GALNT13: variants seen among roughly 807,000 people sequenced by gnomAD.
The protein encoded by GALNT13 is UDP-GalNAc:polypeptide N-acetylgalactosaminyltransferase 13.
A neutral mutation model predicts 64.2 loss-of-function variants in GALNT13; 28 were observed. The observed-to-expected ratio is 0.44, with a 90% CI of 0.32 to 0.60. The LOEUF is 0.60. GALNT13 is among the 20% of genes least tolerant of loss of function. The pLI is 0.05. For synonymous variants in GALNT13, 214 were observed against 224.6 expected (o/e 0.95, Z 0.42); for missense variants, 577 against 669.8 (o/e 0.86, Z 1.53).
intron 2 of GALNT13, among the ~76,000 whole-genome samples, chr2:153,916,784 G>A (rs1689379001): frequency 1.3e-5 from 2 of 152,288 alleles, no homozygotes; most frequent in Middle Eastern, 3.4e-3. Flanking sequence ...CAGATTGATA[G>A]AGTACAAAGG....
chr2:153,232,144 T>A, the GALNT13 span, among the ~76,000 whole-genome samples: 3 of 152,224 alleles, frequency 2.0e-5, no homozygotes, highest in Non-Finnish European at 4.4e-5. Flanking sequence ...CACAAATAAG[T>A]ACTTTCATGT....
chr2:153,512,300 G>A, the GALNT13 span, among the ~76,000 whole-genome samples: 1 of 152,092 alleles, frequency 6.6e-6, no homozygotes, highest in East Asian at 1.9e-4. Context: ...AGAGAAGAGA[G>A]GGTCAATTGT....
chr2:153,818,709 C>A, the GALNT13 span, among the ~76,000 whole-genome samples: 2 of 152,178 alleles, frequency 1.3e-5, no homozygotes, highest in African/African-American at 4.8e-5. Context: ...GTGTCACATG[C>A]CTGGCAGCCA....
chr2:154,236,952 A>G (rs1164143378), intron 4 of GALNT13, among the ~76,000 whole-genome samples: 1 of 152,030 alleles, frequency 6.6e-6, no homozygotes, highest in Non-Finnish European at 1.5e-5. Context: ...ACATTTTAAT[A>G]TGCTTTATTT....
intron 9 of GALNT13, among the ~76,000 whole-genome samples, chr2:154,312,430 T>C (rs769160356): frequency 3.3e-5 from 5 of 152,228 alleles, no homozygotes; most frequent in Non-Finnish European, 7.3e-5. Flanking sequence ...TTTATTCGTA[T>C]GCTTTGTTCA....
rs527542068 is a variant in GALNT13, at chr2:154,336,566, A to G, written c.1156+34977A>G. On this transcript the variant is annotated intron_variant, in intron 9 of 12. Coordinates refer to ENST00000392825, the MANE Select transcript of GALNT13 (RefSeq NM_052917.4). ...TTATTTAAAGTATGGTTATATTTAA[A>G]TAATCCTTTTATAATTTAATTTTGA... 5.3e-5 allele frequency among the ~76,000 whole-genome samples: 8 copies of G among 152,254 alleles called. No individual in the cohort carries two copies. In the East Asian group the frequency reaches 1.2e-3, roughly 22 times the overall value.
chr2:154,299,639 A>G (rs911780404), intron 8 of GALNT13, among the ~76,000 whole-genome samples: 38 of 137,876 alleles, frequency 2.8e-4, no homozygotes, highest in African/African-American at 2.7e-5. Context: ...TTTTTTTTCT[A>G]TTTTTAGTAG....
chr2:153,923,557 A>G lies in GALNT13; in HGVS notation c.-104-20837A>G, dbSNP rs186044535. Among the ~76,000 whole-genome samples the G allele has an allele frequency of 5.2e-3, 783 of 151,512 alleles. 5 individuals carry two copies. The highest frequency in any genetic ancestry group is 8.9e-3 in the Non-Finnish European group (601 of 67,830). On this transcript the variant is annotated intron_variant, in intron 2 of 12. Transcript: ENST00000392825. ...ATGGTTGTTTTTATTTTTTTTTATT[A>G]TACTTTAAGTTCTAGGGTACATGTG...
intron 9 of GALNT13, among the ~76,000 whole-genome samples, chr2:154,387,020 T>G (rs1475554575): frequency 6.6e-6 from 1 of 152,094 alleles, no homozygotes; most frequent in Non-Finnish European, 1.5e-5. Context: ...TCATTTTTAC[T>G]CCATTAAAAT....
the GALNT13 span, among the ~76,000 whole-genome samples, chr2:153,777,792 G>A: frequency 3.3e-5 from 5 of 152,260 alleles, no homozygotes; most frequent in African/African-American, 1.2e-4. Flanking sequence ...CCCAGTGGGT[G>A]TGTGTTACAG....
chr2:154,418,480 A>G (rs1423189901), intron 11 of GALNT13, among the ~76,000 whole-genome samples: 10 of 152,142 alleles, frequency 6.6e-5, no homozygotes, highest in Non-Finnish European at 1.3e-4. Flanking sequence ...AGGTGATGTG[A>G]CCATAGTGGC....
the GALNT13 span, among the ~76,000 whole-genome samples, chr2:153,352,557 G>A: frequency 0.26 from 38,798 of 151,688 alleles, 6,403 homozygotes; most frequent in Non-Finnish European, 0.38. Context: ...AGGTTTTCTT[G>A]TGTGTTATCT....
the GALNT13 span, among the ~76,000 whole-genome samples, chr2:153,726,593 A>G: frequency 6.6e-6 from 1 of 152,160 alleles, no homozygotes; most frequent in Non-Finnish European, 1.5e-5. Flanking sequence ...TTTATTTTAA[A>G]GATATGTACG....
chr2:154,189,534 G>T (rs1036541094), intron 4 of GALNT13, among the ~76,000 whole-genome samples: 1 of 149,508 alleles, frequency 6.7e-6, no homozygotes, highest in African/African-American at 2.5e-5. Flanking sequence ...GAGTCCTCAC[G>T]TCCGCACCTG....
chr2:154,193,916 C>T (rs1335029367), intron 4 of GALNT13, among the ~76,000 whole-genome samples: 1 of 152,090 alleles, frequency 6.6e-6, no homozygotes, highest in African/African-American at 2.4e-5. Flanking sequence ...GAGTTGAGGG[C>T]AAGATGTGTT....
chr2:153,270,835 G>A, the GALNT13 span, among the ~76,000 whole-genome samples: 1 of 151,970 alleles, frequency 6.6e-6, no homozygotes, highest in Non-Finnish European at 1.5e-5. Flanking sequence ...TAGGTGACAG[G>A]GTGAGACCCT....
chr2:154,380,521 A>T (rs1439723680), intron 9 of GALNT13, among the ~76,000 whole-genome samples: 1 of 152,074 alleles, frequency 6.6e-6, no homozygotes, highest in Non-Finnish European at 1.5e-5. Context: ...AAACAACCTT[A>T]TAGTCATCCT....
intron 4 of GALNT13, among the ~76,000 whole-genome samples, chr2:154,163,337 T>A (rs967583593): frequency 9.2e-5 from 14 of 151,950 alleles, no homozygotes; most frequent in Admixed American, 2.0e-4. Flanking sequence ...ACAAAATTGA[T>A]AGACCACTAG....
chr2:153,896,868 A>G (rs1429871246), intron 1 of GALNT13, among the ~76,000 whole-genome samples: 1 of 152,130 alleles, frequency 6.6e-6, no homozygotes, highest in Admixed American at 6.5e-5. Context: ...TTTTATTTTT[A>G]TTTTTACCTT....
Sources: gnomAD v4.1 joint callset for allele counts (sites outside exome capture counted in the v4.1 genomes callset) on GRCh38, gnomAD v4.1.1 for gene constraint, MANE v1.5 for transcripts, NCBI Gene and HGNC (gene_info 2026-07-23, HGNC 2026-07-21) for gene names.